Variants in NCK1 observed in about 807,000 individuals in gnomAD.
The protein encoded by NCK1 is NCK adaptor protein 1, also known as SH2/SH3 adapter protein NCK1.
NCK1 carries 19 observed loss-of-function variants against 36.6 expected under a neutral mutation model. The observed-to-expected ratio is 0.52, with a 90% confidence interval of 0.36 to 0.76. NCK1 has a LOEUF of 0.76. Among genes scored for constraint, NCK1 ranks in the 30% least tolerant of loss-of-function variants. The pLI is 0.00. For synonymous variants in NCK1, 165 were observed against 156.0 expected, an observed-to-expected ratio of 1.06 and a Z score of -0.43; for missense variants, 358 against 445.6, an observed-to-expected ratio of 0.80 and a Z score of 1.77.
chr3:136,907,128 C>G (rs116716680), intron 1 of NCK1, among the ~76,000 whole-genome samples: 3 of 152,154 alleles, frequency 2.0e-5, no homozygotes, highest in Middle Eastern at 3.2e-3. Context: ...ACATACTTTG[C>G]TTGTGCCTTG....
chr3:136,914,391 C>T (rs1388716059), intron 1 of NCK1, among the ~76,000 whole-genome samples: 1 of 152,070 alleles, frequency 6.6e-6, no homozygotes, highest in Non-Finnish European at 1.5e-5. Context: ...AGAATGTGCT[C>T]CAGAGTTCCA....
At chr3:136,900,057 C>T (rs1445954069) in intron 1 of NCK1, 342 of 560,224 alleles carry the variant, frequency 6.1e-4, no homozygotes, top group Non-Finnish European at 8.6e-4. Flanking sequence ...TGGTTTCTTA[C>T]ATCTCACAGG....
intron 2 of NCK1, among the ~76,000 whole-genome samples, chr3:136,940,876 C>T (rs1202007276): frequency 2.0e-5 from 3 of 152,064 alleles, no homozygotes; most frequent in Non-Finnish European, 4.4e-5. Flanking sequence ...AGCCACCCCA[C>T]TCTCTCAGTT....
chr3:136,931,939 G>A (rs910080481), intron 2 of NCK1, among the ~76,000 whole-genome samples: 1 of 152,070 alleles, frequency 6.6e-6, no homozygotes, highest in South Asian at 2.1e-4. Context: ...GGTCAACATG[G>A]TGAAACACTG....
chr3:136,923,517 T>G (rs2108124754), intron 1 of NCK1, among the ~76,000 whole-genome samples: 1 of 151,956 alleles, frequency 6.6e-6, no homozygotes, highest in Non-Finnish European at 1.5e-5. Flanking sequence ...GTCGCTCCAC[T>G]GCACTCCAGC....
At position 136,869,839 on chromosome 3, in the gene NCK1, A is replaced by G. The variant is rs374852224; in HGVS notation, c.-19+7486A>G. On this transcript the variant is annotated intron_variant, in intron 1 of 3. Transcript: ENST00000481752. ...AATAGTTGCTTTTTCTATTTGTTTAAATTATCAGTTAAAAAAACCTGTTAA... is the reference window on the plus strand; with the variant it reads ...AATAGTTGCTTTTTCTATTTGTTTAGATTATCAGTTAAAAAAACCTGTTAA... Among the ~76,000 whole-genome samples the G allele has an allele frequency of 8.8e-4, 134 of 151,984 alleles. 2 individuals are homozygous for G. Among genetic ancestry groups the G allele is most frequent in the African/African-American group, 2.9e-3 (122 of 41,428 alleles).
Position 136,941,212 on chromosome 3 carries a change from G to A in NCK1, c.227-4371G>A, listed in dbSNP as rs961202685. Among the ~76,000 whole-genome samples, 5 of 146,968 alleles carry A rather than the reference G, an allele frequency of 3.4e-5. No homozygotes were observed. The Admixed American group carries it at 3.5e-4, about 10-fold the overall frequency. ...GGAATCTCTGCTCACTGCAACCTCT[G>A]CCTCCCAGGTTCAAGCGACACTTAT... On this transcript the variant is annotated intron_variant, in intron 2 of 3. Transcript: ENST00000481752.
chr3:136,945,458 GTTATAT>G (rs1174529902), intron 2 of NCK1, 119 bp from the exon 3 acceptor site: 6 of 626,910 alleles, frequency 9.6e-6, no homozygotes, highest in Non-Finnish European at 1.5e-5. Flanking sequence ...ATAGAAATTT[GTTATAT>G]TTAAAAGCTT....
At chr3:136,864,756 CTTTTCTT>C (rs1267757159) in intron 1 of NCK1, among the ~76,000 whole-genome samples, 1 of 128,460 alleles carries the variant, frequency 7.8e-6, no homozygotes, top group Non-Finnish European at 1.6e-5. Flanking sequence ...GGGTTTTTTT[CTTTTCTT>C]TTTTTTTTTT....
At chr3:136,924,443 G>A (rs1940189646) in intron 1 of NCK1, among the ~76,000 whole-genome samples, 1 of 152,028 alleles carries the variant, frequency 6.6e-6, no homozygotes, top group Non-Finnish European at 1.5e-5. Flanking sequence ...CAGTGTCAGA[G>A]ACTTAAAACA....
chr3:136,892,454 A>G lies in NCK1; in HGVS notation c.-19+30101A>G, dbSNP rs559701517. ...TCTGGTAATCACAAGAGTCCTTATC[A>G]GAGGGAATCAATTAGTCCAGGAAAG... is the stretch of plus-strand genomic sequence containing the variant. On this transcript the variant is annotated intron_variant, in intron 1 of 3. Coordinates refer to ENST00000481752, the MANE Select transcript of NCK1 (RefSeq NM_001291999.2). Among the ~76,000 whole-genome samples the G allele has an allele frequency of 1.6e-3, 240 of 152,370 alleles. 1 individual carries two copies. Among genetic ancestry groups the G allele is most frequent in the Non-Finnish European group, 2.8e-3 (192 of 68,042 alleles).
At chr3:136,912,430 C>A (rs1293729406) in intron 1 of NCK1, among the ~76,000 whole-genome samples, 1 of 151,770 alleles carries the variant, frequency 6.6e-6, no homozygotes, top group Non-Finnish European at 1.5e-5. Flanking sequence ...TTTGGCATTC[C>A]CACAATGTGT....
At chr3:136,927,067 G>A (rs1940261401) in intron 1 of NCK1, among the ~76,000 whole-genome samples, 1 of 152,176 alleles carries the variant, frequency 6.6e-6, no homozygotes, top group Non-Finnish European at 1.5e-5. Flanking sequence ...CGCCTCCCAG[G>A]TTCAAGGGAT....
chr3:136,869,547 GA>G (rs1173205425), intron 1 of NCK1, among the ~76,000 whole-genome samples: 1 of 151,444 alleles, frequency 6.6e-6, no homozygotes, highest in African/African-American at 2.4e-5. Context: ...TGTCTCAAAA[GA>G]AAAAAAAGAA....
intron 1 of NCK1, among the ~76,000 whole-genome samples, chr3:136,875,160 C>T (rs1938731261): frequency 1.3e-5 from 2 of 151,902 alleles, no homozygotes; most frequent in Non-Finnish European, 2.9e-5. Flanking sequence ...ATAACAATAC[C>T]ACAGTCTGCT....
At chr3:136,872,307 A>G (rs1318517603) in intron 1 of NCK1, among the ~76,000 whole-genome samples, 2 of 152,206 alleles carry the variant, frequency 1.3e-5, no homozygotes, top group African/African-American at 2.4e-5. Context: ...ATGTTTTAGC[A>G]AAGAAACTGG....
At chr3:136,928,334 A>C in intron 2 of NCK1, 107 bp downstream of exon 2, 1 of 1,084,176 alleles carries the variant, frequency 9.2e-7, no homozygotes, top group Non-Finnish European at 1.3e-6. Flanking sequence ...TTGAAAAGGC[A>C]AGGGCTAGGT....
intron 1 of NCK1, among the ~76,000 whole-genome samples, chr3:136,911,408 C>A (rs1049305597): frequency 1.3e-5 from 2 of 152,228 alleles, no homozygotes; most frequent in Non-Finnish European, 2.9e-5. Flanking sequence ...TCTGCATCCT[C>A]ATCAACCTTT....
chr3:136,864,904 T>C (rs1312686716), intron 1 of NCK1, among the ~76,000 whole-genome samples: 1 of 149,194 alleles, frequency 6.7e-6, no homozygotes, highest in Admixed American at 6.7e-5. Context: ...ACTACAGGTG[T>C]GTGCCACCAT....
Sources: allele counts gnomAD v4.1 joint callset (sites outside exome capture counted in the v4.1 genomes callset), GRCh38; gene constraint gnomAD v4.1.1; transcripts MANE v1.5; gene names NCBI Gene and HGNC (gene_info 2026-07-23, HGNC 2026-07-21).